Variants in FSTL4 observed in about 807,000 individuals in gnomAD.
The protein encoded by FSTL4 is follistatin-related protein 4.
FSTL4 carries 28 observed loss-of-function variants against 78.2 expected under a neutral mutation model. The observed-to-expected ratio is 0.36, with a 90% CI of 0.27 to 0.49. The LOEUF is 0.49. Ranked by LOEUF, FSTL4 falls within the 20% of genes least tolerant of loss-of-function variation. The pLI, the probability that FSTL4 is intolerant of heterozygous loss-of-function variation, is 0.98. For synonymous variants in FSTL4, 422 were observed against 440.5 expected, an observed-to-expected ratio of 0.96 and a Z score of 0.53; for missense variants, 922 against 1,084.9, an observed-to-expected ratio of 0.85 and a Z score of 2.11.
At chr5:133,344,738 A>G (rs1487019015) in intron 4 of FSTL4, among the ~76,000 whole-genome samples, 1 of 152,108 alleles carries the variant, frequency 6.6e-6, no homozygotes, top group Non-Finnish European at 1.5e-5. Context: ...TTTTTGTTCA[A>G]TGGAATTAAC....
At chr5:133,387,911 A>T (rs1350015818) in intron 4 of FSTL4, 1 of 151,960 alleles carries the variant, frequency 6.6e-6, no homozygotes, top group African/African-American at 2.4e-5. Flanking sequence ...TGAAGGCAGG[A>T]GGTGAAGTCT....
chr5:133,631,196 T>C, the FSTL4 span, among the ~76,000 whole-genome samples: 1 of 151,902 alleles, frequency 6.6e-6, no homozygotes, highest in Non-Finnish European at 1.5e-5. Flanking sequence ...GAAACTATCA[T>C]GAGAGTGAAC....
intron 4 of FSTL4, among the ~76,000 whole-genome samples, chr5:133,322,693 C>T (rs754770815): frequency 6.6e-6 from 1 of 152,198 alleles, no homozygotes; most frequent in East Asian, 1.9e-4. Flanking sequence ...GCTGAGGTTG[C>T]TCTTGGAGGA....
the FSTL4 span, among the ~76,000 whole-genome samples, chr5:133,660,902 C>T: frequency 6.6e-6 from 1 of 152,206 alleles, no homozygotes; most frequent in Non-Finnish European, 1.5e-5. Flanking sequence ...TTTTAATGAA[C>T]AGACAGACAC....
intron 4 of FSTL4, among the ~76,000 whole-genome samples, chr5:133,384,692 G>A (rs1338171933): frequency 6.6e-6 from 1 of 152,046 alleles, no homozygotes; most frequent in Non-Finnish European, 1.5e-5. Flanking sequence ...CTGTCCCAAG[G>A]GCAACACAGG....
At chr5:133,296,620 C>T (rs1409353506) in intron 6 of FSTL4, among the ~76,000 whole-genome samples, 1 of 152,216 alleles carries the variant, frequency 6.6e-6, no homozygotes, top group African/African-American at 2.4e-5. Context: ...CAACACCTGG[C>T]TCACATAGCC....
the FSTL4 span, among the ~76,000 whole-genome samples, chr5:133,624,007 G>C: frequency 6.6e-6 from 1 of 151,996 alleles, no homozygotes; most frequent in Non-Finnish European, 1.5e-5. Flanking sequence ...TTTGCTGATG[G>C]AAATGTAAAA....
the FSTL4 span, among the ~76,000 whole-genome samples, chr5:133,767,500 ATC>A: frequency 6.6e-6 from 1 of 152,224 alleles, no homozygotes; most frequent in African/African-American, 2.4e-5. Flanking sequence ...CCTTGAATGC[ATC>A]TATGCTAGGG....
At chr5:133,314,516 C>T (rs1409835135) in intron 5 of FSTL4, among the ~76,000 whole-genome samples, 1 of 151,972 alleles carries the variant, frequency 6.6e-6, no homozygotes, top group African/African-American at 2.4e-5. Flanking sequence ...GGTGGCTACT[C>T]CTTACTAGGG....
chr5:133,815,931 C>T, the FSTL4 span, among the ~76,000 whole-genome samples: 17 of 152,184 alleles, frequency 1.1e-4, no homozygotes, highest in Non-Finnish European at 2.1e-4. Context: ...CCAACAAAGA[C>T]ACTCCAGCCT....
chr5:133,612,909 C>G (rs1761135107), upstream of FSTL4, among the ~76,000 whole-genome samples: 1 of 152,178 alleles, frequency 6.6e-6, no homozygotes, highest in African/African-American at 2.4e-5. This position sits in a 1 kb window ranked among gnomAD's most constrained non-coding sequence, Gnocchi z 6.2. Context: ...CCAGGCGGGC[C>G]GGTACACCAC....
chr5:133,453,801 T>C (rs2127012686), intron 3 of FSTL4, among the ~76,000 whole-genome samples: 1 of 152,278 alleles, frequency 6.6e-6, no homozygotes, highest in South Asian at 2.1e-4. Context: ...GGGGCCAGGT[T>C]GAGGGGATGG....
chr5:133,622,552 G>C, the FSTL4 span, among the ~76,000 whole-genome samples: 1 of 152,176 alleles, frequency 6.6e-6, no homozygotes, highest in Non-Finnish European at 1.5e-5. Flanking sequence ...CTTCCTACTA[G>C]TAATGTATGA....
intron 3 of FSTL4, among the ~76,000 whole-genome samples, chr5:133,541,412 T>C (rs967015355): frequency 1.8e-4 from 27 of 152,270 alleles, no homozygotes; most frequent in African/African-American, 6.0e-4. Context: ...GGCTCCAGCA[T>C]GAGTGTTCCA....
intron 7 of FSTL4, among the ~76,000 whole-genome samples, chr5:133,241,123 G>A (rs755789462): frequency 3.3e-5 from 5 of 152,252 alleles, no homozygotes; most frequent in Non-Finnish European, 7.3e-5. Context: ...CACTGGGAGA[G>A]GAGAACAGAG....
At chr5:133,541,484 T>C (rs2112919371) in intron 3 of FSTL4, among the ~76,000 whole-genome samples, 1 of 152,280 alleles carries the variant, frequency 6.6e-6, no homozygotes, top group East Asian at 1.9e-4. Context: ...ACAGCATCAC[T>C]TCCACAAAAG....
At chr5:133,296,320 T>G (rs1753395143) in intron 6 of FSTL4, among the ~76,000 whole-genome samples, 1 of 152,242 alleles carries the variant, frequency 6.6e-6, no homozygotes, top group African/African-American at 2.4e-5. Context: ...TCCTAACTTG[T>G]CTACATGCTC....
intron 13 of FSTL4, 129 bp downstream of exon 13, chr5:133,217,100 C>T (rs181686323): frequency 3.4e-5 from 23 of 683,932 alleles, no homozygotes; most frequent in Admixed American, 5.3e-5. Flanking sequence ...AATAATTACA[C>T]ATGAATCTTT....
In FSTL4 at chr5:133,518,721, T is replaced by C. The variant is rs113646562; in HGVS notation, c.160+48465A>G. On this transcript the variant is annotated intron_variant, in intron 3 of 15. Transcript: ENST00000265342. Reference sequence around the variant, plus strand: ...ATGCTTGTTTTTCTTAACCCGTGCATAGGAAAAAGCTTGGTTGGGAGATAC... The same window carrying C: ...ATGCTTGTTTTTCTTAACCCGTGCACAGGAAAAAGCTTGGTTGGGAGATAC... Among the ~76,000 whole-genome samples the C allele has an allele frequency of 3.2e-4, 48 of 152,324 alleles. 1 individual carries two copies. The highest frequency in any genetic ancestry group is 1.1e-3 in the African/African-American group (47 of 41,570).
Sources: gnomAD v4.1 joint callset for allele counts (sites outside exome capture counted in the v4.1 genomes callset) on GRCh38, gnomAD v4.1.1 for gene constraint, Gnocchi (gnomAD v3.1) non-coding constraint, MANE v1.5 for transcripts, NCBI Gene and HGNC (gene_info 2026-07-23, HGNC 2026-07-21) for gene names.